The following FGF14 variants were observed in gnomAD, a reference collection of about 807,000 sequenced individuals.
FGF14 encodes fibroblast growth factor 14, also known as fibroblast growth factor homologous factor 4.
Under a neutral mutation model 25.5 loss-of-function variants are expected in FGF14, and 5 were observed. That is an observed-to-expected ratio of 0.20 (90% confidence interval 0.10 to 0.41). The LOEUF (loss-of-function observed/expected upper bound fraction) is 0.41. FGF14 is among the 10% of genes least tolerant of loss of function. The pLI, the probability that FGF14 is intolerant of heterozygous loss-of-function variation, is 1.00. For missense variants in FGF14, 222 were observed against 320.1 expected (o/e 0.69, Z 2.34); for synonymous variants, 138 against 118.3 (o/e 1.17, Z -1.08).
intron 1 of FGF14, among the ~76,000 whole-genome samples, chr13:102,250,606 T>G (rs988454537): frequency 6.6e-6 from 1 of 152,200 alleles, no homozygotes; most frequent in African/African-American, 2.4e-5. Context: ...CGGTGCATTT[T>G]GCTATATTAA....
intron 1 of FGF14, among the ~76,000 whole-genome samples, chr13:102,182,219 C>G (rs772230621): frequency 6.6e-6 from 1 of 152,038 alleles, no homozygotes; most frequent in Admixed American, 6.6e-5. Flanking sequence ...ACATTCCCGG[C>G]CTTGAATATG....
chr13:101,963,595 T>A (rs921093856), intron 1 of FGF14, among the ~76,000 whole-genome samples: 1 of 152,228 alleles, frequency 6.6e-6, no homozygotes, highest in Non-Finnish European at 1.5e-5. Context: ...CATAAATGCA[T>A]GAGCTCCTGA....
At chr13:102,401,683 A>T in exon 1 of FGF14, 1 of 1,612,336 alleles carries the variant, frequency 6.2e-7, no homozygotes, top group Non-Finnish European at 8.5e-7. Flanking sequence ...TACCATAGGA[A>T]AAACGATAAT....
chr13:101,833,715 G>C (rs2042789847), intron 3 of FGF14, among the ~76,000 whole-genome samples: 1 of 151,976 alleles, frequency 6.6e-6, no homozygotes, highest in South Asian at 2.1e-4. Flanking sequence ...GCTTGATGTT[G>C]GCTAGTTTGC....
In FGF14 at chr13:101,722,688, C is replaced by G; in HGVS notation, c.*143G>C. The G allele has an allele frequency of 1.1e-5, 13 of 1,133,698 alleles. No individual in the cohort carries two copies. Among genetic ancestry groups the G allele is most frequent in the Non-Finnish European group, 1.5e-5 (12 of 777,750 alleles). 70.2% of individuals were successfully genotyped at this position (1,133,698 alleles called of 1,614,324 possible). ...CAACAGGTTGAGATTTATCCACTTG[C>G]AACAGAGAAGTTCGGAGACAGCAAA... On this transcript the variant is annotated 3_prime_UTR_variant, in exon 5 of 5. Coordinates refer to ENST00000376143, the MANE Select transcript of FGF14 (RefSeq NM_004115.4).
intron 1 of FGF14, among the ~76,000 whole-genome samples, chr13:102,284,678 G>A (rs1274474421): frequency 2.0e-5 from 3 of 152,192 alleles, no homozygotes; most frequent in South Asian, 2.1e-4. Flanking sequence ...GAGTTCGACA[G>A]TCAGCTATAA....
intron 1 of FGF14, among the ~76,000 whole-genome samples, chr13:102,031,060 T>TA (rs2041183906): frequency 6.6e-6 from 1 of 152,114 alleles, no homozygotes; most frequent in Non-Finnish European, 1.5e-5. Context: ...CCCATATAGT[T>TA]ACATAAAAAT....
At chr13:101,800,318 A>G (rs2040798565) in intron 3 of FGF14, among the ~76,000 whole-genome samples, 1 of 152,208 alleles carries the variant, frequency 6.6e-6, no homozygotes, top group Non-Finnish European at 1.5e-5. Context: ...AATATAAAAT[A>G]TAAAAACAAA....
intron 1 of FGF14, among the ~76,000 whole-genome samples, chr13:102,145,251 T>C (rs548274752): frequency 6.6e-6 from 1 of 152,296 alleles, no homozygotes; most frequent in African/African-American, 2.4e-5. Flanking sequence ...TTGGCAATGA[T>C]TGATTTAGAA....
At chr13:101,856,901 G>A (rs572223856) in intron 3 of FGF14, among the ~76,000 whole-genome samples, 1 of 151,922 alleles carries the variant, frequency 6.6e-6, no homozygotes, top group African/African-American at 2.4e-5. Context: ...TGCTGTGACA[G>A]GCATCTCTTT....
chr13:102,333,918 G>C (rs1310469067), intron 1 of FGF14, among the ~76,000 whole-genome samples: 1 of 152,092 alleles, frequency 6.6e-6, no homozygotes, highest in Non-Finnish European at 1.5e-5. Flanking sequence ...GGGAGCCATT[G>C]ATTTATTTTC....
intron 1 of FGF14, among the ~76,000 whole-genome samples, chr13:102,079,206 T>C (rs1034224700): frequency 6.6e-6 from 1 of 152,176 alleles, no homozygotes. Context: ...GCTCCTGTCT[T>C]ACCATGCTCT....
chr13:101,816,863 G>C (rs986028775), intron 3 of FGF14, among the ~76,000 whole-genome samples: 1 of 152,114 alleles, frequency 6.6e-6, no homozygotes, highest in African/African-American at 2.4e-5. Flanking sequence ...GATTATCACT[G>C]TTACCAGTGG....
intron 3 of FGF14, among the ~76,000 whole-genome samples, chr13:101,829,882 A>G (rs2042584224): frequency 6.6e-6 from 1 of 152,084 alleles, no homozygotes; most frequent in African/African-American, 2.4e-5. Flanking sequence ...TCCATTTTTC[A>G]GGTTCTGAAA....
intron 3 of FGF14, among the ~76,000 whole-genome samples, chr13:101,747,832 A>C (rs1229325139): frequency 2.0e-5 from 3 of 152,094 alleles, no homozygotes; most frequent in Non-Finnish European, 4.4e-5. Flanking sequence ...AATTCTTAAA[A>C]GAAGACATAC....
chr13:101,931,746 C>A (rs561030150), intron 1 of FGF14, among the ~76,000 whole-genome samples: 1 of 152,326 alleles, frequency 6.6e-6, no homozygotes, highest in East Asian at 1.9e-4. Context: ...ATGCACACCA[C>A]AGAGAAAATG....
intron 1 of FGF14, among the ~76,000 whole-genome samples, chr13:101,930,956 TCTC>T (rs1348817725): frequency 6.6e-6 from 1 of 152,124 alleles, no homozygotes; most frequent in East Asian, 1.9e-4. Flanking sequence ...AATTTACCCC[TCTC>T]CTTTTTTGAG....
At chr13:101,807,863 T>C (rs1034830478) in intron 3 of FGF14, among the ~76,000 whole-genome samples, 1 of 152,044 alleles carries the variant, frequency 6.6e-6, no homozygotes, top group East Asian at 1.9e-4. Flanking sequence ...TATAATAACA[T>C]GTCATTGAAG....
chr13:102,036,300 C>T (rs1005601281), intron 1 of FGF14, among the ~76,000 whole-genome samples: 7 of 152,080 alleles, frequency 4.6e-5, no homozygotes, highest in African/African-American at 1.7e-4. Context: ...GATATGCTAG[C>T]CAGTCTTATG....
Sources: gnomAD v4.1 joint callset for allele counts (sites outside exome capture counted in the v4.1 genomes callset) on GRCh38, gnomAD v4.1.1 for gene constraint, MANE v1.5 for transcripts, NCBI Gene and HGNC (gene_info 2026-07-23, HGNC 2026-07-21) for gene names.